Variants in RHCE observed in about 807,000 individuals in gnomAD.
The protein encoded by RHCE is Rh blood group CcEe antigens.
Under a neutral mutation model 43.8 loss-of-function variants are expected in RHCE, and 22 were observed. That is an observed-to-expected ratio of 0.50 (90% CI 0.36 to 0.72). RHCE has a LOEUF of 0.72. Ranked by LOEUF, RHCE falls within the 30% of genes least tolerant of loss-of-function variation. The pLI, the probability that RHCE is intolerant of heterozygous loss-of-function variation, is 0.00. For synonymous variants in RHCE, 156 were observed against 210.7 expected, an observed-to-expected ratio of 0.74 and a Z score of 2.25; for missense variants, 385 against 525.4, an observed-to-expected ratio of 0.73 and a Z score of 2.61.
Position 25,362,523 on chromosome 1 carries a change from T to C in RHCE, c.*4A>G, listed in dbSNP as rs776158672. On this transcript the variant is annotated 3_prime_UTR_variant, in exon 10 of 10. Coordinates refer to ENST00000294413, the MANE Select transcript of RHCE (RefSeq NM_020485.8). Reference sequence around the variant, plus strand: ...CAGGCCTTGTTTTTCTTGGATGCTTTTGCTTAAAATCCAACAGCCAAATGA... The same window carrying C: ...CAGGCCTTGTTTTTCTTGGATGCTTCTGCTTAAAATCCAACAGCCAAATGA... 9 of 1,599,152 alleles carry C rather than the reference T, an allele frequency of 5.6e-6. No individual in the cohort carries two copies. The East Asian group carries it at 1.8e-4, about 32-fold the overall frequency.
intron 1 of RHCE, chr1:25,411,368 A>G (rs1285955209): frequency 3.0e-5 from 46 of 1,550,484 alleles, no homozygotes; most frequent in Admixed American, 3.9e-5. Flanking sequence ...CCTGGCTTTG[A>G]TAACAATGAG....
At chr1:25,391,419 T>C (rs1192282227) in intron 4 of RHCE, among the ~76,000 whole-genome samples, 3 of 152,044 alleles carry the variant, frequency 2.0e-5, no homozygotes, top group Admixed American at 6.6e-5. Context: ...ACTCCTGACC[T>C]CAGGTGATCC....
intron 1 of RHCE, chr1:25,429,167 G>A (rs1226384197): frequency 2.6e-5 from 4 of 151,594 alleles, no homozygotes; most frequent in East Asian, 1.9e-4. Flanking sequence ...TTACAGGCCA[G>A]AGAGAGTTCT....
chr1:25,425,827 A>G (rs1283596919), intron 2 of RHCE, among the ~76,000 whole-genome samples: 1 of 152,192 alleles, frequency 6.6e-6, no homozygotes, highest in East Asian at 1.9e-4. Flanking sequence ...CCAATGAGGT[A>G]GGAGGTCCTC....
At chr1:25,383,690 TG>T (rs1402184139) in intron 7 of RHCE, among the ~76,000 whole-genome samples, 1 of 151,988 alleles carries the variant, frequency 6.6e-6, no homozygotes, top group African/African-American at 2.4e-5. Flanking sequence ...GCCTGGGTCC[TG>T]CAAAGGCAAG....
intron 8 of RHCE, among the ~76,000 whole-genome samples, chr1:25,373,563 A>G (rs1380185001): frequency 1.3e-5 from 2 of 151,746 alleles, no homozygotes; most frequent in Non-Finnish European, 1.5e-5. Flanking sequence ...AAATTACCCA[A>G]GTAACTCCAA....
At chr1:25,427,932 G>A (rs2042817561) in intron 2 of RHCE, among the ~76,000 whole-genome samples, 1 of 152,248 alleles carries the variant, frequency 6.6e-6, no homozygotes, top group African/African-American at 2.4e-5. Flanking sequence ...GAGTTGCCAT[G>A]TGAATTGGGA....
intron 1 of RHCE, among the ~76,000 whole-genome samples, chr1:25,419,565 A>ATAATGTCTTCAATAAT (rs1160288304): frequency 6.6e-6 from 1 of 152,196 alleles, no homozygotes; most frequent in East Asian, 1.9e-4. Flanking sequence ...ACATTCTTCA[A>ATAATGTCTTCAATAAT]GGAGGCCCTG....
chr1:25,387,890 G>A (rs546585999), intron 6 of RHCE, among the ~76,000 whole-genome samples: 10 of 151,430 alleles, frequency 6.6e-5, no homozygotes, highest in Admixed American at 4.6e-4. Flanking sequence ...GCGCAATTTC[G>A]GCTCACTGCA....
At chr1:25,370,915 A>ATTTTT (rs77875421) in intron 8 of RHCE, among the ~76,000 whole-genome samples, 2 of 124,776 alleles carry the variant, frequency 1.6e-5, no homozygotes, top group Admixed American at 8.2e-5. Context: ...CATCCAGCTA[A>ATTTTT]TTTTTTTTTT....
intron 8 of RHCE, among the ~76,000 whole-genome samples, chr1:25,373,101 T>C (rs904693680): frequency 1.3e-5 from 2 of 151,652 alleles, no homozygotes; most frequent in Admixed American, 1.3e-4. Flanking sequence ...CAAGTTGTTT[T>C]TAATCACCAG....
At chr1:25,390,048 T>TCCC (rs1646307569) in intron 5 of RHCE, among the ~76,000 whole-genome samples, 1 of 150,520 alleles carries the variant, frequency 6.6e-6, no homozygotes, top group Non-Finnish European at 1.5e-5. Context: ...CCCCAGTGCC[T>TCCC]CCCACCCGAG....
chr1:25,372,248 A>G (rs1005919576), intron 8 of RHCE, among the ~76,000 whole-genome samples: 1 of 151,690 alleles, frequency 6.6e-6, no homozygotes, highest in African/African-American at 2.4e-5. Context: ...GGCCGGGCAC[A>G]GTGGCTTATG....
In RHCE at chr1:25,420,561, C is replaced by T. The variant is rs930891843; in HGVS notation, c.148+78G>A. ...GATTTTGTAGAAAGGAACATCTGTG[C>T]CCCTGGAGAACCATAGGCCTCCCCC... On this transcript the variant is annotated intron_variant, in intron 1 of 9. Coordinates refer to ENST00000294413, the MANE Select transcript of RHCE (RefSeq NM_020485.8). 34 of 1,612,794 alleles carry T rather than the reference C, an allele frequency of 2.1e-5. No individual in the cohort carries two copies. The African/African-American group carries it at 3.6e-4, about 17-fold the overall frequency.
intron 1 of RHCE, chr1:25,411,484 A>G: frequency 7.8e-6 from 12 of 1,544,254 alleles, no homozygotes; most frequent in Non-Finnish European, 1.0e-5. Flanking sequence ...AGGGTCTGCC[A>G]GAGAGGACAA....
intron 8 of RHCE, among the ~76,000 whole-genome samples, chr1:25,371,904 C>A (rs1002023938): frequency 6.6e-6 from 1 of 151,076 alleles, no homozygotes; most frequent in Non-Finnish European, 1.5e-5. Flanking sequence ...CGTGGTGCTG[C>A]TTTTAGCAGA....
At position 25,389,034 on chromosome 1, in the gene RHCE, G is replaced by A; in HGVS notation, c.881C>T (p.Ala294Val). ...CCCAGCCACAAGACCCAGCACCATG[G>A]CAAGCCACGGAGAAGGGATCAGGTG... Reference protein sequence around the residue: ...SCHLIPSPWLAMVLGLVAGLI... With the variant: ...SCHLIPSPWLVMVLGLVAGLI... The change falls in exon 6 of 10, where the codon GCC becomes GTC. Residue 294 changes from alanine to valine, a missense_variant. By Grantham distance (64) the Ala-to-Val change is moderately conservative. Transcript: ENST00000294413. The A allele has an allele frequency of 6.2e-7, 1 of 1,614,234 alleles. No individual in the cohort carries two copies. The highest frequency in any genetic ancestry group is 1.1e-5 in the South Asian group (1 of 91,080).
intron 2 of RHCE, among the ~76,000 whole-genome samples, chr1:25,426,445 C>A (rs1006804666): frequency 1.3e-5 from 2 of 152,170 alleles, no homozygotes; most frequent in Non-Finnish European, 2.9e-5. Flanking sequence ...GGTTAAAGAG[C>A]CCAGGCACTG....
At chr1:25,381,554 T>G (rs1483844405) in intron 7 of RHCE, among the ~76,000 whole-genome samples, 1 of 151,940 alleles carries the variant, frequency 6.6e-6, no homozygotes, top group Admixed American at 6.6e-5. Context: ...CCTCCTGGGT[T>G]CAAGTGATTC....
Sources: allele counts gnomAD v4.1 joint callset (sites outside exome capture counted in the v4.1 genomes callset), GRCh38; gene constraint gnomAD v4.1.1; transcripts MANE v1.5; gene names NCBI Gene and HGNC (gene_info 2026-07-23, HGNC 2026-07-21).